PDE1A: variants seen among roughly 807,000 people sequenced by gnomAD.
PDE1A encodes the protein phosphodiesterase 1A, also known as dual specificity calcium/calmodulin-dependent 3',5'-cyclic nucleotide phosphodiesterase 1A.
In PDE1A, 35 loss-of-function variants were observed where a neutral mutation model predicts 61.7. The observed-to-expected ratio is 0.57, with a 90% confidence interval of 0.43 to 0.75. PDE1A has a LOEUF of 0.75. Ranked by LOEUF, PDE1A falls within the 30% of genes least tolerant of loss-of-function variation. The probability of loss-of-function intolerance (pLI) is 0.00; values close to 1 mark genes in which losing one functional copy is unlikely to be tolerated. For synonymous variants in PDE1A, 232 were observed against 213.2 expected (o/e 1.09, Z -0.77); for missense variants, 597 against 630.6 (o/e 0.95, Z 0.57).
intron 1 of PDE1A, among the ~76,000 whole-genome samples, chr2:182,276,504 C>T (rs1010894057): frequency 6.6e-6 from 1 of 152,188 alleles, no homozygotes; most frequent in East Asian, 1.9e-4. Flanking sequence ...TTACTTTAAT[C>T]TCTTAATCCT....
At chr2:182,597,036 C>T in the PDE1A span, among the ~76,000 whole-genome samples, 1 of 151,168 alleles carries the variant, frequency 6.6e-6, no homozygotes, top group Non-Finnish European at 1.5e-5. Context: ...GCCTGCAGTC[C>T]CAGCTGCTCA....
chr2:182,569,280 TTTCCTG>T, the PDE1A span, among the ~76,000 whole-genome samples: 1 of 150,078 alleles, frequency 6.7e-6, no homozygotes, highest in Non-Finnish European at 1.5e-5. Context: ...TATATATGTA[TTTCCTG>T]TTGTAATAAA....
At chr2:182,252,499 G>A (rs909055609) in intron 2 of PDE1A, among the ~76,000 whole-genome samples, 2 of 151,772 alleles carry the variant, frequency 1.3e-5, no homozygotes, top group African/African-American at 4.8e-5. Flanking sequence ...AAGAATATGT[G>A]ATAAGTCAGA....
rs538295010 is a variant in PDE1A, at chr2:182,194,585, G to C, written c.1126-5525C>G. Among the ~76,000 whole-genome samples, 261 of 152,148 alleles carry C rather than the reference G, an allele frequency of 1.7e-3. 2 individuals are homozygous for C. Among genetic ancestry groups the C allele is most frequent in the Non-Finnish European group, 3.4e-3 (233 of 67,980 alleles). On this transcript the variant is annotated intron_variant, in intron 10 of 13. Transcript: ENST00000351439. ...CTTTTACCATTAGCAGCTTATTCAAGAGTCAGAAATCAGCGTTTCTCAAGA... is the reference window on the plus strand; with the variant it reads ...CTTTTACCATTAGCAGCTTATTCAACAGTCAGAAATCAGCGTTTCTCAAGA...
intron 7 of PDE1A, among the ~76,000 whole-genome samples, chr2:182,210,366 G>A (rs1000083531): frequency 2.0e-5 from 3 of 151,952 alleles, no homozygotes; most frequent in African/African-American, 7.3e-5. Context: ...TGATCTATTT[G>A]GTATCTCATT....
At chr2:182,638,307 G>C in the PDE1A span, among the ~76,000 whole-genome samples, 1 of 152,178 alleles carries the variant, frequency 6.6e-6, no homozygotes, top group African/African-American at 2.4e-5. Flanking sequence ...GGGAGGCCAA[G>C]GCAGGTGGAT....
At chr2:182,257,287 T>C (rs1230091220) in intron 2 of PDE1A, among the ~76,000 whole-genome samples, 2 of 152,210 alleles carry the variant, frequency 1.3e-5, no homozygotes, top group African/African-American at 4.8e-5. Flanking sequence ...GTAGCCCATT[T>C]TGATATGGAA....
intron 1 of PDE1A, among the ~76,000 whole-genome samples, chr2:182,342,905 G>C (rs545978566): frequency 6.6e-6 from 1 of 152,266 alleles, no homozygotes; most frequent in South Asian, 2.1e-4. Context: ...AGAATAATAA[G>C]ACACTTTCTC....
At chr2:182,370,241 TAAGAA>T (rs1700057524) in intron 1 of PDE1A, among the ~76,000 whole-genome samples, 1 of 151,576 alleles carries the variant, frequency 6.6e-6, no homozygotes, top group South Asian at 2.1e-4. Context: ...TCCTGTGAGA[TAAGAA>T]AAAAGGAAGA....
intron 2 of PDE1A, among the ~76,000 whole-genome samples, chr2:182,510,886 C>A (rs886664082): frequency 6.6e-6 from 1 of 152,082 alleles, no homozygotes; most frequent in East Asian, 1.9e-4. Context: ...TGAAGAGAAA[C>A]CTGGGGAGTG....
chr2:182,397,735 G>A (rs1224590362), intron 1 of PDE1A, among the ~76,000 whole-genome samples: 1 of 151,892 alleles, frequency 6.6e-6, no homozygotes, highest in Non-Finnish European at 1.5e-5. Context: ...CTCTTTTACT[G>A]TATAAACTCT....
chr2:182,456,445 C>T (rs1685927782), intron 2 of PDE1A, among the ~76,000 whole-genome samples: 1 of 151,992 alleles, frequency 6.6e-6, no homozygotes, highest in Non-Finnish European at 1.5e-5. Flanking sequence ...CGTAACTTAC[C>T]CATATAAATT....
At chr2:182,619,330 C>G in the PDE1A span, among the ~76,000 whole-genome samples, 1 of 151,854 alleles carries the variant, frequency 6.6e-6, no homozygotes, top group Admixed American at 6.6e-5. Flanking sequence ...TGAGAACACC[C>G]AGAAAAACGC....
At chr2:182,157,056 C>A (rs1324732752) in intron 13 of PDE1A, among the ~76,000 whole-genome samples, 5 of 149,254 alleles carry the variant, frequency 3.3e-5, no homozygotes, top group African/African-American at 1.2e-4. Context: ...GCTCTGTCAC[C>A]CAGGCTGGAG....
chr2:182,458,239 A>T (rs2125751081), intron 2 of PDE1A, among the ~76,000 whole-genome samples: 1 of 152,224 alleles, frequency 6.6e-6, no homozygotes, highest in Non-Finnish European at 1.5e-5. Flanking sequence ...ACACTTTGGG[A>T]CTAACCCCAA....
At chr2:182,714,615 T>C in the PDE1A span, among the ~76,000 whole-genome samples, 1 of 151,972 alleles carries the variant, frequency 6.6e-6, no homozygotes, top group South Asian at 2.1e-4. Context: ...CCCAGGCTGG[T>C]GTGCAGTGGT....
the PDE1A span, among the ~76,000 whole-genome samples, chr2:182,661,643 C>T: frequency 1.3e-5 from 2 of 152,082 alleles, no homozygotes; most frequent in Admixed American, 6.6e-5. Flanking sequence ...ACATTATTAT[C>T]AGACAATGTG....
the PDE1A span, among the ~76,000 whole-genome samples, chr2:182,668,824 T>TTTTTTTTTTTTTTTTTTTTTTTTTTTGAG: frequency 6.6e-6 from 1 of 152,100 alleles, no homozygotes; most frequent in Non-Finnish European, 1.5e-5. Flanking sequence ...GGCTCTCTCT[T>TTTTTTTTTTTTTTTTTTTTTTTTTTTGAG]ACAGAGTCAG....
At chr2:182,477,171 GAA>G (rs1025576933) in intron 2 of PDE1A, among the ~76,000 whole-genome samples, 26 of 151,906 alleles carry the variant, frequency 1.7e-4, no homozygotes, top group African/African-American at 6.3e-4. Flanking sequence ...CCTATATTGA[GAA>G]CCTATAGCAG....
Sources: allele counts gnomAD v4.1 joint callset (sites outside exome capture counted in the v4.1 genomes callset), GRCh38; gene constraint gnomAD v4.1.1; transcripts MANE v1.5; gene names NCBI Gene and HGNC (gene_info 2026-07-23, HGNC 2026-07-21).